VRK2: variants seen among roughly 807,000 people sequenced by gnomAD.
VRK2 encodes VRK serine/threonine kinase 2.
A neutral mutation model predicts 57.6 loss-of-function variants in VRK2; 60 were observed. The observed-to-expected ratio is 1.04, with a 90% CI of 0.85 to 1.29. The LOEUF (loss-of-function observed/expected upper bound fraction) is 1.29, where lower values mean the gene tolerates loss of function less well. Ranked by LOEUF, VRK2 falls within the 50% of genes most tolerant of loss-of-function variation. The probability of loss-of-function intolerance (pLI) is 0.00; values close to 1 mark genes in which losing one functional copy is unlikely to be tolerated. For missense variants in VRK2, 705 were observed against 588.1 expected (o/e 1.20, Z -2.06); for synonymous variants, 231 against 199.2 (o/e 1.16, Z -1.35).
intron 6 of VRK2, among the ~76,000 whole-genome samples, chr2:58,088,876 T>G (rs991699240): frequency 2.0e-5 from 3 of 152,204 alleles, no homozygotes; most frequent in African/African-American, 7.2e-5. Flanking sequence ...GTTGTGACAA[T>G]GAATAAAATA....
intron 11 of VRK2, among the ~76,000 whole-genome samples, chr2:58,143,949 GTATATATGTATATACA>G (rs1681719441): frequency 6.6e-6 from 1 of 150,800 alleles, no homozygotes; most frequent in African/African-American, 2.4e-5. Context: ...GTCTGTTTGT[GTATATATGTATATACA>G]TATATATGTA....
chr2:58,066,608 T>C (rs1421384011), intron 2 of VRK2, among the ~76,000 whole-genome samples: 1 of 152,182 alleles, frequency 6.6e-6, no homozygotes, highest in African/African-American at 2.4e-5. Flanking sequence ...TGAAGTATTC[T>C]TTCTTTTGTT....
chr2:58,030,841 A>G (rs1674090499), intron 2 of VRK2, among the ~76,000 whole-genome samples: 1 of 152,062 alleles, frequency 6.6e-6, no homozygotes, highest in African/African-American at 2.4e-5. Context: ...GAGGCAATGC[A>G]ACTTCTGTCG....
At chr2:58,095,575 T>TTA (rs948422814) in intron 7 of VRK2, among the ~76,000 whole-genome samples, 4 of 152,054 alleles carry the variant, frequency 2.6e-5, no homozygotes, top group African/African-American at 9.7e-5. Flanking sequence ...TTATTTTTGT[T>TTA]TATATATATG....
At position 58,159,618 on chromosome 2, in the gene VRK2, C is replaced by T. The variant is rs1430934039; in HGVS notation, c.1452C>T (p.Asn484=). ...ISQFTLSEET[N]ADVYYYRIII... ...AGTTTACTCTTAGTGAAGAGACAAA[C>T]GCAGATGTTTATTATTATCGCATCA... The change falls in exon 13 of 13, where the codon AAC becomes AAT. Residue 484 remains asparagine, a synonymous_variant. Coordinates refer to ENST00000340157, the MANE Select transcript of VRK2 (RefSeq NM_006296.7). 4 of 1,613,658 alleles carry T rather than the reference C, an allele frequency of 2.5e-6. No homozygotes were observed. Among genetic ancestry groups the T allele is most frequent in the South Asian group, 1.1e-5 (1 of 91,080 alleles).
intron 1 of VRK2, among the ~76,000 whole-genome samples, chr2:57,925,810 T>C (rs541271679): frequency 4.1e-4 from 63 of 152,018 alleles, no homozygotes; most frequent in Non-Finnish European, 6.9e-4. Context: ...TTTTTTAAGA[T>C]GTATTGTTAG....
At chr2:58,157,633 A>T (rs1222130317) in intron 12 of VRK2, among the ~76,000 whole-genome samples, 5 of 152,196 alleles carry the variant, frequency 3.3e-5, no homozygotes, top group Admixed American at 2.0e-4. Context: ...TCAGAAATAC[A>T]GAATCTCAGG....
intron 1 of VRK2, 49 bp from the exon 2 acceptor site, chr2:58,048,777 GT>G: frequency 6.3e-7 from 1 of 1,587,618 alleles, no homozygotes; most frequent in Non-Finnish European, 8.6e-7. Flanking sequence ...TAAGAGTTTT[GT>G]TTGTTTGTTT....
chr2:58,009,584 T>C (rs1427055314), intron 1 of VRK2, among the ~76,000 whole-genome samples: 1 of 150,806 alleles, frequency 6.6e-6, no homozygotes, highest in Non-Finnish European at 1.5e-5. Flanking sequence ...GTTCACACCT[T>C]GCGTTGTATC....
intron 12 of VRK2, among the ~76,000 whole-genome samples, chr2:58,158,706 A>G (rs1199699873): frequency 6.6e-6 from 1 of 152,190 alleles, no homozygotes; most frequent in Non-Finnish European, 1.5e-5. Context: ...ACTTTGGCCA[A>G]CAGGAATGAT....
chr2:58,025,882 T>TATCTAAC (rs1673908727), intron 2 of VRK2: 1 of 152,224 alleles, frequency 6.6e-6, no homozygotes, highest in Non-Finnish European at 1.5e-5. Context: ...GTGCTTCCTT[T>TATCTAAC]ATCTAACTTT....
At chr2:58,098,837 C>CT (rs764540815) in intron 7 of VRK2, among the ~76,000 whole-genome samples, 1 of 151,982 alleles carries the variant, frequency 6.6e-6, no homozygotes, top group Non-Finnish European at 1.5e-5. Context: ...TTTTAACTAA[C>CT]TTTTTGGTCA....
At chr2:58,002,201 C>T (rs1673110394) in intron 1 of VRK2, among the ~76,000 whole-genome samples, 2 of 152,156 alleles carry the variant, frequency 1.3e-5, no homozygotes, top group Non-Finnish European at 2.9e-5. Context: ...AAAGTAAAGG[C>T]TGGGCGTGGT....
At chr2:57,946,932 C>T (rs1037001264) in intron 1 of VRK2, among the ~76,000 whole-genome samples, 2 of 152,082 alleles carry the variant, frequency 1.3e-5, no homozygotes, top group Non-Finnish European at 2.9e-5. Flanking sequence ...ATAATAGTGT[C>T]TGATCTTCAT....
chr2:57,994,467 TA>T (rs1450823852), intron 1 of VRK2, among the ~76,000 whole-genome samples: 29 of 152,094 alleles, frequency 1.9e-4, no homozygotes, highest in East Asian at 1.9e-4. Flanking sequence ...TTCAAAGGAA[TA>T]AAATAACTGG....
intron 8 of VRK2, 91 bp from the exon 9 acceptor site, chr2:58,131,715 CAT>C: frequency 1.4e-6 from 2 of 1,404,150 alleles, no homozygotes; most frequent in Non-Finnish European, 1.9e-6. Flanking sequence ...TTGGCTTTTT[CAT>C]ATTTCATCAG....
Position 57,946,739 on chromosome 2 carries a change from ACAT to A in VRK2, c.-439+38903_-439+38905del, listed in dbSNP as rs543654787. ...ATTCTAAATTATATTCTGAAATCTA[ACAT>A]CAATACTTTCTGTTCAACCAAATTT... On this transcript the variant is annotated intron_variant, in intron 1 of 15. Transcript: ENST00000417641. Among the ~76,000 whole-genome samples the A allele has an allele frequency of 3.1e-3, 476 of 152,284 alleles. 1 individual carries two copies. The highest frequency in any genetic ancestry group is 0.011 in the African/African-American group (443 of 41,574).
chr2:57,998,005 A>G (rs1408603722), intron 1 of VRK2, among the ~76,000 whole-genome samples: 1 of 152,234 alleles, frequency 6.6e-6, no homozygotes, highest in Non-Finnish European at 1.5e-5. Flanking sequence ...TAGACACATA[A>G]TGATCAGAAC....
intron 3 of VRK2, among the ~76,000 whole-genome samples, chr2:58,037,130 CTCA>C (rs765669076): frequency 6.6e-5 from 10 of 151,810 alleles, no homozygotes; most frequent in Non-Finnish European, 1.3e-4. Context: ...GAGATAGGGT[CTCA>C]TCATGTTGCC....
Sources: allele counts gnomAD v4.1 joint callset (sites outside exome capture counted in the v4.1 genomes callset), GRCh38; gene constraint gnomAD v4.1.1; transcripts MANE v1.5; gene names NCBI Gene and HGNC (gene_info 2026-07-23, HGNC 2026-07-21).